The following SLC36A4 variants were observed in gnomAD, a reference collection of about 807,000 sequenced individuals.
SLC36A4 encodes the protein solute carrier family 36 member 4.
In SLC36A4, 49 loss-of-function variants were observed where a neutral mutation model predicts 50.5. The observed-to-expected ratio is 0.97, with a 90% CI of 0.77 to 1.23. SLC36A4 has a LOEUF of 1.23. SLC36A4 is among the 50% of genes most tolerant of loss of function. The probability of loss-of-function intolerance (pLI) is 0.00; values close to 1 mark genes in which losing one functional copy is unlikely to be tolerated. For missense variants in SLC36A4, 611 were observed against 608.4 expected (o/e 1.00, Z -0.05); for synonymous variants, 207 against 206.5 (o/e 1.00, Z -0.02).
At chr11:93,155,361 C>T (rs1590932737) in intron 9 of SLC36A4, 1 of 152,010 alleles carries the variant, frequency 6.6e-6, no homozygotes, top group African/African-American at 2.4e-5. Flanking sequence ...TACTTTCCCA[C>T]CTAAAATTCC....
chr11:93,197,534 CCA>C, intron 1 of SLC36A4: 1 of 548,852 alleles, frequency 1.8e-6, no homozygotes, highest in South Asian at 2.2e-5. Context: ...ACACACTCAC[CCA>C]CACGCGCGCG....
intron 7 of SLC36A4, chr11:93,167,665 T>C (rs1860939083): frequency 1.8e-5 from 6 of 336,730 alleles, no homozygotes; most frequent in Middle Eastern, 8.1e-4. Flanking sequence ...ATAACTCTAA[T>C]AGGGTAGGCA....
chr11:93,157,247 C>T lies in SLC36A4; in HGVS notation c.1038-2970G>A, dbSNP rs140690111. On this transcript the variant is annotated intron_variant, in intron 9 of 10. Coordinates refer to ENST00000326402, the MANE Select transcript of SLC36A4 (RefSeq NM_152313.4). Reference sequence around the variant, plus strand: ...TACAATGCTGTTTTGGTTACTACAGCCCTCTCGTATAGTTTAGAGTTGGGT... The same window carrying T: ...TACAATGCTGTTTTGGTTACTACAGTCCTCTCGTATAGTTTAGAGTTGGGT... Among the ~76,000 whole-genome samples, 13 of 152,246 alleles carry T rather than the reference C, an allele frequency of 8.5e-5. No homozygotes were observed. In the East Asian group the frequency reaches 2.5e-3, roughly 29 times the overall value.
intron 9 of SLC36A4, among the ~76,000 whole-genome samples, chr11:93,156,183 T>C (rs1202310339): frequency 1.3e-5 from 2 of 152,180 alleles, no homozygotes; most frequent in Non-Finnish European, 2.9e-5. Flanking sequence ...AACTAACTTA[T>C]ACTCCCATCA....
Position 93,167,950 on chromosome 11 carries a change from A to G in SLC36A4, c.762T>C (p.Val254=). 1 of 1,601,498 alleles carries G rather than the reference A, an allele frequency of 6.2e-7. No homozygotes were observed. ...AAAAACTTTTTATACTTACCCTGAC[A>G]ACATACTGGTAAATTATCACAAGAC... ...AVSLVIIYQY[V]VRNMPDPHNL... is the part of the protein sequence containing the mutation. Residue 254 remains valine, a synonymous_variant, in exon 7 of 11, where the codon GTT becomes GTC. Transcript: ENST00000326402.
chr11:93,153,969 C>T, intron 10 of SLC36A4, 139 bp downstream of exon 10: 2 of 425,524 alleles, frequency 4.7e-6, no homozygotes, highest in Non-Finnish European at 7.8e-6. Flanking sequence ...AGTAACCCAG[C>T]TGGGTGAATA....
intron 9 of SLC36A4, chr11:93,160,235 T>C (rs957409749): frequency 1.0e-6 from 1 of 985,322 alleles, no homozygotes; most frequent in African/African-American, 1.7e-5. Flanking sequence ...GACTATAGGC[T>C]GCATAGGGCA....
chr11:93,184,703 G>A (rs1285817823), intron 2 of SLC36A4, among the ~76,000 whole-genome samples, 183 bp from the exon 3 acceptor site: 1 of 152,036 alleles, frequency 6.6e-6, no homozygotes, highest in Non-Finnish European at 1.5e-5. Flanking sequence ...AATTAAAAGT[G>A]GAATAACAAG....
At chr11:93,196,665 G>C (rs1232926213) in intron 1 of SLC36A4, among the ~76,000 whole-genome samples, 1 of 152,180 alleles carries the variant, frequency 6.6e-6, no homozygotes, top group Non-Finnish European at 1.5e-5. Flanking sequence ...CACCGCGCCA[G>C]GCCGATATGT....
intron 6 of SLC36A4, among the ~76,000 whole-genome samples, chr11:93,170,801 A>C (rs1861099575): frequency 6.6e-6 from 1 of 152,038 alleles, no homozygotes; most frequent in Non-Finnish European, 1.5e-5. Context: ...TTTATCCCCT[A>C]CTGATTGTAC....
In SLC36A4 at chr11:93,168,128, C is replaced by A; in HGVS notation, c.584G>T (p.Ser195Ile). The change falls in exon 7 of 11, where the codon AGT (serine) becomes ATT (isoleucine). Residue 195 changes from serine (S) to isoleucine (I), a missense_variant. Ser to Ile is a moderately radical substitution (Grantham distance 142). Coordinates refer to ENST00000326402, the MANE Select transcript of SLC36A4 (RefSeq NM_152313.4). ...FLESKVFISN[S>I]TNSSNPCERR... ...CTCACAAGGGTTTGATGAATTGGTA[C>A]TATTTGAAATAAACACTTTACTCTC... 6.2e-7 allele frequency: 1 copy of A among 1,612,124 alleles called. No homozygotes were observed. Among genetic ancestry groups the A allele is most frequent in the East Asian group, 2.2e-5 (1 of 44,756 alleles).
chr11:93,162,984 T>C, intron 8 of SLC36A4, 109 bp from the exon 9 acceptor site: 2 of 912,840 alleles, frequency 2.2e-6, no homozygotes, highest in Non-Finnish European at 1.6e-6. Context: ...CAAATTTTTT[T>C]CCTTTAAAAC....
intron 9 of SLC36A4, chr11:93,160,054 T>C: frequency 2.0e-6 from 2 of 985,404 alleles, no homozygotes; most frequent in Non-Finnish European, 2.4e-6. Context: ...GAGACTCGTA[T>C]ATAGTATATT....
At chr11:93,175,943 T>C (rs1321988247) in intron 6 of SLC36A4, among the ~76,000 whole-genome samples, 2 of 132,698 alleles carry the variant, frequency 1.5e-5, no homozygotes, top group East Asian at 4.3e-4. Context: ...GGGTGGAGAG[T>C]TCTGTAAATG....
chr11:93,182,753 C>T (rs761158411), intron 4 of SLC36A4, 53 bp downstream of exon 4: 1 of 1,303,624 alleles, frequency 7.7e-7, no homozygotes, highest in Non-Finnish European at 1.1e-6. Context: ...CTATCTGATG[C>T]TGTAAATAAA....
chr11:93,177,479 G>C (rs1861532134), intron 6 of SLC36A4, among the ~76,000 whole-genome samples: 2 of 152,196 alleles, frequency 1.3e-5, no homozygotes, highest in African/African-American at 4.8e-5. Flanking sequence ...TCTCTGTCCA[G>C]CTTTGTTCCG....
intron 6 of SLC36A4, among the ~76,000 whole-genome samples, chr11:93,177,624 T>G (rs892070822): frequency 6.6e-6 from 1 of 152,168 alleles, no homozygotes; most frequent in African/African-American, 2.4e-5. Context: ...CTGTTGGAGT[T>G]TGCTGGAGGT....
At chr11:93,171,825 AT>A (rs1861150172) in intron 6 of SLC36A4, 1 of 152,182 alleles carries the variant, frequency 6.6e-6, no homozygotes, top group Non-Finnish European at 1.5e-5. Context: ...AGAATTAAAT[AT>A]TTGTAAAATC....
chr11:93,189,460 G>A (rs534571139), intron 1 of SLC36A4, among the ~76,000 whole-genome samples: 6 of 152,080 alleles, frequency 3.9e-5, no homozygotes, highest in Admixed American at 2.0e-4. Flanking sequence ...GGGGTGGGGG[G>A]ACTATTTAAT....
Sources: gnomAD v4.1 joint callset for allele counts (sites outside exome capture counted in the v4.1 genomes callset) on GRCh38, gnomAD v4.1.1 for gene constraint, MANE v1.5 for transcripts, NCBI Gene and HGNC (gene_info 2026-07-23, HGNC 2026-07-21) for gene names.